LEPR: variants seen among roughly 807,000 people sequenced by gnomAD.
LEPR encodes OB receptor.
LEPR carries 56 observed loss-of-function variants against 114.7 expected under a neutral mutation model. The observed-to-expected ratio is 0.49, with a 90% CI of 0.39 to 0.61. The LOEUF (loss-of-function observed/expected upper bound fraction) is 0.61. Among genes scored for constraint, LEPR ranks in the 20% least tolerant of loss-of-function variants. The probability of loss-of-function intolerance (pLI) is 0.00; values close to 1 mark genes in which losing one functional copy is unlikely to be tolerated. For missense variants in LEPR, 1,202 were observed against 1,352.9 expected (o/e 0.89, Z 1.75); for synonymous variants, 443 against 461.4 (o/e 0.96, Z 0.51).
At chr1:65,450,839 G>T (rs1473978522) in intron 2 of LEPR, among the ~76,000 whole-genome samples, 5 of 151,764 alleles carry the variant, frequency 3.3e-5, no homozygotes, top group Non-Finnish European at 5.9e-5. Context: ...CTAGATCCCT[G>T]AGGAATCGCC....
chr1:65,504,389 T>C (rs1390814307), intron 2 of LEPR, among the ~76,000 whole-genome samples: 1 of 152,174 alleles, frequency 6.6e-6, no homozygotes, highest in African/African-American at 2.4e-5. Context: ...TGATAAACAC[T>C]ACCTCAGCCA....
chr1:65,510,617 A>G (rs1648980265), intron 2 of LEPR, among the ~76,000 whole-genome samples: 1 of 152,158 alleles, frequency 6.6e-6, no homozygotes, highest in East Asian at 1.9e-4. Context: ...TTTTATGTGC[A>G]TTGCCACAGA....
intron 19 of LEPR, among the ~76,000 whole-genome samples, chr1:65,635,692 G>C (rs1463461314): frequency 6.6e-6 from 1 of 152,032 alleles, no homozygotes; most frequent in Non-Finnish European, 1.5e-5. Flanking sequence ...ACTGTTTTTA[G>C]ACAAGTTATT....
At chr1:65,540,931 A>C (rs1313343485) in intron 2 of LEPR, among the ~76,000 whole-genome samples, 1 of 152,162 alleles carries the variant, frequency 6.6e-6, no homozygotes, top group Non-Finnish European at 1.5e-5. Context: ...TTTCAGGCTC[A>C]AGCGATTCTC....
intron 2 of LEPR, among the ~76,000 whole-genome samples, chr1:65,492,033 A>T (rs1173189071): frequency 6.6e-6 from 1 of 152,090 alleles, no homozygotes; most frequent in Non-Finnish European, 1.5e-5. Context: ...ATAATTTGTA[A>T]ATTCAATTTC....
At position 65,571,791 on chromosome 1, in the gene LEPR, CAAAAAAAAAAAAAAAAAAAA is replaced by C. The variant is rs34139057; in HGVS notation, c.371-525_371-506del. Among the ~76,000 whole-genome samples the C allele has an allele frequency of 2.7e-5, 2 of 73,692 alleles. 1 individual carries two copies. The highest frequency in any genetic ancestry group is 5.2e-5 in the Non-Finnish European group (2 of 38,442). 48.3% of individuals were successfully genotyped at this position (73,692 alleles called of 152,430 possible). On this transcript the variant is annotated intron_variant, in intron 4 of 19. Coordinates refer to ENST00000349533, the MANE Select transcript of LEPR (RefSeq NM_002303.6). ...CAACATAATGAAACCCCATCTCTAC[CAAAAAAAAAAAAAAAAAAAA>C]AAAAAAAAATTAACTGGGCATGGTG...
chr1:65,426,557 G>A (rs1461335932), intron 2 of LEPR, among the ~76,000 whole-genome samples: 1 of 152,068 alleles, frequency 6.6e-6, no homozygotes. Flanking sequence ...CAAAATTGAG[G>A]GCTGGGGCAG....
At chr1:65,518,538 T>A (rs1441040997) in intron 2 of LEPR, among the ~76,000 whole-genome samples, 1 of 152,244 alleles carries the variant, frequency 6.6e-6, no homozygotes, top group Non-Finnish European at 1.5e-5. Context: ...TTTTTGCTGA[T>A]AACATTTTAA....
chr1:65,595,407 A>G (rs1655999168), intron 6 of LEPR, among the ~76,000 whole-genome samples: 1 of 152,084 alleles, frequency 6.6e-6, no homozygotes, highest in Non-Finnish European at 1.5e-5. Flanking sequence ...GGAAATGTAC[A>G]ATAGCTTGTA....
At chr1:65,606,144 A>C (rs1313081095) in intron 11 of LEPR, among the ~76,000 whole-genome samples, 2 of 152,188 alleles carry the variant, frequency 1.3e-5, no homozygotes, top group African/African-American at 4.8e-5. Flanking sequence ...TAACCAAAAA[A>C]TACACGATAA....
At chr1:65,547,724 G>T (rs910249448) in intron 2 of LEPR, among the ~76,000 whole-genome samples, 55 of 143,384 alleles carry the variant, frequency 3.8e-4, no homozygotes, top group African/African-American at 1.2e-3. Context: ...CTTGCTAGCG[G>T]TCTATCAATT....
rs142312129 is a variant in LEPR at position 65,541,134 on chromosome 1, T to C, written c.-20-24412T>C. Among the ~76,000 whole-genome samples the C allele has an allele frequency of 5.3e-5, 8 of 152,304 alleles. No individual in the cohort carries two copies. The East Asian group carries it at 1.5e-3, about 29-fold the overall frequency. On this transcript the variant is annotated intron_variant, in intron 2 of 19. Coordinates refer to ENST00000349533, the MANE Select transcript of LEPR (RefSeq NM_002303.6). ...CACCGTGCCTAGTCCCAGTTTACCA[T>C]CTTGAACCTGAAGTCCCACTGGTAT...
intron 2 of LEPR, among the ~76,000 whole-genome samples, chr1:65,542,351 T>C (rs935544253): frequency 1.7e-4 from 26 of 152,240 alleles, no homozygotes; most frequent in African/African-American, 6.0e-4. Context: ...ATTTATTATA[T>C]ACTTTAATTG....
At chr1:65,609,881 C>T in intron 12 of LEPR, 66 bp from the exon 13 acceptor site, 1 of 1,605,544 alleles carries the variant, frequency 6.2e-7, no homozygotes, top group Non-Finnish European at 8.5e-7. Flanking sequence ...ATAAAATGTA[C>T]TTCAGGGCCC....
chr1:65,486,886 T>C (rs1159081774), intron 2 of LEPR, among the ~76,000 whole-genome samples: 3 of 152,154 alleles, frequency 2.0e-5, no homozygotes, highest in African/African-American at 7.2e-5. Context: ...TGTTCTTCAT[T>C]TCTTTGAGAT....
intron 19 of LEPR, among the ~76,000 whole-genome samples, chr1:65,635,853 C>T (rs1261467606): frequency 6.6e-6 from 1 of 152,090 alleles, no homozygotes; most frequent in African/African-American, 2.4e-5. Flanking sequence ...GAGAGCTAAG[C>T]ACTTGCAGAC....
intron 12 of LEPR, 97 bp downstream of exon 12, chr1:65,608,998 G>T: frequency 6.8e-7 from 1 of 1,479,528 alleles, no homozygotes; most frequent in Non-Finnish European, 9.4e-7. Flanking sequence ...TGGCATAAAA[G>T]TACATTCTCC....
At chr1:65,550,161 C>A (rs953694379) in intron 2 of LEPR, among the ~76,000 whole-genome samples, 4 of 152,124 alleles carry the variant, frequency 2.6e-5, no homozygotes, top group Admixed American at 6.5e-5. Flanking sequence ...GCTGTCTGAT[C>A]CTTCCTCTGG....
In LEPR at chr1:65,435,410, C is replaced by T. The variant is rs1000401626; in HGVS notation, c.-21+10032C>T. On this transcript the variant is annotated intron_variant, in intron 2 of 19. Coordinates refer to ENST00000349533, the MANE Select transcript of LEPR (RefSeq NM_002303.6). ...TGAGGCAGAGTCTCGCTCTGTTGCC[C>T]AGGCTGGAGTGCAGTGGTGCGATCT... 1.4e-5 allele frequency: 11 copies of T among 788,460 alleles called. No individual in the cohort carries two copies. In the African/African-American group the frequency reaches 2.2e-4, roughly 16 times the overall value. 48.8% of individuals were successfully genotyped at this position (788,460 alleles called of 1,614,324 possible).
Sources: allele counts gnomAD v4.1 joint callset (sites outside exome capture counted in the v4.1 genomes callset), GRCh38; gene constraint gnomAD v4.1.1; transcripts MANE v1.5; gene names NCBI Gene and HGNC (gene_info 2026-07-23, HGNC 2026-07-21).